SGPL1: variants seen among roughly 807,000 people sequenced by gnomAD.
SGPL1 encodes SP-lyase 1.
Under a neutral mutation model 68.9 loss-of-function variants are expected in SGPL1, and 37 were observed. The observed-to-expected ratio is 0.54, with a 90% confidence interval of 0.41 to 0.71. The LOEUF (loss-of-function observed/expected upper bound fraction) is 0.71, where lower values mean the gene tolerates loss of function less well. SGPL1 is among the 30% of genes least tolerant of loss of function. The pLI, the probability that SGPL1 is intolerant of heterozygous loss-of-function variation, is 0.00. For synonymous variants in SGPL1, 236 were observed against 248.5 expected (o/e 0.95, Z 0.47); for missense variants, 551 against 704.6 (o/e 0.78, Z 2.47).
chr10:70,828,731 A>G (rs931243496), intron 2 of SGPL1, among the ~76,000 whole-genome samples: 5 of 152,230 alleles, frequency 3.3e-5, no homozygotes, highest in African/African-American at 9.6e-5. Flanking sequence ...TTAGATTCTA[A>G]GTGGCTATTG....
chr10:70,835,654 T>C lies in SGPL1; in HGVS notation c.28-8819T>C, dbSNP rs930360085. Among the ~76,000 whole-genome samples the C allele has an allele frequency of 2.0e-5, 3 of 149,516 alleles. No individual in the cohort carries two copies. In the Admixed American group the frequency reaches 2.0e-4, roughly 10 times the overall value. Reference sequence around the variant, plus strand: ...GGGAGGCTGAGGCAGGAGAATGGCTTGAACCCGGGAGGTGGAGTTTGCAGT... The same window carrying C: ...GGGAGGCTGAGGCAGGAGAATGGCTCGAACCCGGGAGGTGGAGTTTGCAGT... On this transcript the variant is annotated intron_variant, in intron 2 of 14. Coordinates refer to ENST00000373202, the MANE Select transcript of SGPL1 (RefSeq NM_003901.4).
chr10:70,844,410 C>T, intron 2 of SGPL1, 63 bp from the exon 3 acceptor site: 2 of 1,475,222 alleles, frequency 1.4e-6, no homozygotes, highest in Non-Finnish European at 1.9e-6. Context: ...GAAGTACAAA[C>T]TAAGAACAGA....
chr10:70,875,386 A>G lies in SGPL1; in HGVS notation c.1299-16A>G, dbSNP rs1452001762. ...GAATTTACTTTTTCTTCCTTCATTT[A>G]TTTTTTTGTTTTAAGACTGGAAAAT... On this transcript the variant is annotated splice_polypyrimidine_tract_variant and intron_variant, in intron 12 of 14. Transcript: ENST00000373202. 2 of 1,566,618 alleles carry G rather than the reference A, an allele frequency of 1.3e-6. No individual in the cohort carries two copies. The highest frequency in any genetic ancestry group is 1.4e-5 in the African/African-American group (1 of 73,918).
intron 2 of SGPL1, among the ~76,000 whole-genome samples, chr10:70,818,777 T>C (rs1054738374): frequency 1.3e-5 from 2 of 152,226 alleles, no homozygotes; most frequent in African/African-American, 4.8e-5. Context: ...GCCCCAAATT[T>C]CATGGATTTT....
intron 2 of SGPL1, among the ~76,000 whole-genome samples, chr10:70,821,668 C>A (rs1156664930): frequency 1.3e-5 from 2 of 152,154 alleles, no homozygotes; most frequent in Non-Finnish European, 2.9e-5. Flanking sequence ...CAGTTTCCTG[C>A]AAACAAGAAT....
At position 70,877,222 on chromosome 10, in the gene SGPL1, A is replaced by G. The variant is rs1385603588; in HGVS notation, c.1594A>G (p.Thr532Ala). The G allele has an allele frequency of 3.7e-6, 6 of 1,614,208 alleles. No homozygotes were observed. The highest frequency in any genetic ancestry group is 3.3e-4 in the Middle Eastern group (2 of 6,062). ...TGCCATCTATGGCATGGCCCAGACA[A>G]CTGTTGACAGGAATATGGTTGCAGA... is the stretch of plus-strand genomic sequence containing the variant. ...MGAIYGMAQT[T>A]VDRNMVAELS... Residue 532 changes from threonine (T) to alanine (A), a missense_variant, in exon 15 of 15, where the codon ACT becomes GCT. Transcript: ENST00000373202.
intron 1 of SGPL1, 86 bp from the exon 2 acceptor site, chr10:70,816,725 A>G (rs1490640131): frequency 2.2e-6 from 2 of 903,784 alleles, no homozygotes; most frequent in South Asian, 1.3e-5. Context: ...GGAGAGAACC[A>G]TAACTTGGCT....
intron 7 of SGPL1, 86 bp downstream of exon 7, chr10:70,859,585 AAAT>A: frequency 1.5e-6 from 1 of 659,364 alleles, no homozygotes; most frequent in Non-Finnish European, 2.0e-6. Context: ...ATATTTTAAA[AAAT>A]AAAAAATATT....
At chr10:70,817,423 AATT>A (rs1487774268) in intron 2 of SGPL1, among the ~76,000 whole-genome samples, 14 of 152,188 alleles carry the variant, frequency 9.2e-5, no homozygotes, top group African/African-American at 1.7e-4. Context: ...TCTTTTTCAA[AATT>A]ATTATTATTT....
intron 3 of SGPL1, among the ~76,000 whole-genome samples, chr10:70,847,039 TGA>T (rs747900582): frequency 1.3e-5 from 2 of 152,212 alleles, no homozygotes; most frequent in Non-Finnish European, 2.9e-5. Context: ...TGCTGGCCTC[TGA>T]GAGGCCAATT....
intron 2 of SGPL1, among the ~76,000 whole-genome samples, chr10:70,837,464 T>G (rs951240078): frequency 1.3e-5 from 2 of 152,198 alleles, no homozygotes; most frequent in African/African-American, 4.8e-5. Context: ...TTTTATTCCC[T>G]CTGTAATCAG....
intron 2 of SGPL1, among the ~76,000 whole-genome samples, chr10:70,839,625 A>G (rs1346200436): frequency 6.6e-6 from 1 of 152,172 alleles, no homozygotes; most frequent in Non-Finnish European, 1.5e-5. Context: ...ATGACCATTC[A>G]TAGTTCATAT....
chr10:70,841,064 T>C (rs1845704921), intron 2 of SGPL1, among the ~76,000 whole-genome samples: 3 of 152,170 alleles, frequency 2.0e-5, no homozygotes, highest in Non-Finnish European at 4.4e-5. Context: ...ACCACAACTT[T>C]CACACTAGAC....
At chr10:70,855,253 A>G (rs1007456511) in intron 5 of SGPL1, among the ~76,000 whole-genome samples, 1 of 152,268 alleles carries the variant, frequency 6.6e-6, no homozygotes, top group Non-Finnish European at 1.5e-5. Flanking sequence ...GATGGTGTCT[A>G]TCTTTATGCA....
intron 2 of SGPL1, among the ~76,000 whole-genome samples, chr10:70,836,412 A>G (rs1484763850): frequency 1.3e-5 from 2 of 152,158 alleles, no homozygotes; most frequent in Admixed American, 6.5e-5. Context: ...GCCTCTTTCT[A>G]TCAGTTTGAC....
chr10:70,827,853 TTGC>T (rs749571868), intron 2 of SGPL1, among the ~76,000 whole-genome samples: 8 of 152,220 alleles, frequency 5.3e-5, no homozygotes, highest in Non-Finnish European at 8.8e-5. Flanking sequence ...TTGCTTAGTT[TTGC>T]TGATTTTGAA....
Position 70,873,425 on chromosome 10 carries a change from C to A in SGPL1, c.1134C>A (p.Val378=). Residue 378 remains valine, a synonymous_variant, in exon 12 of 15, where the codon GTC becomes GTA. Coordinates refer to ENST00000373202, the MANE Select transcript of SGPL1 (RefSeq NM_003901.4). The part of the protein sequence containing the change: ...DKKYRNYQFF[V]DTDWQGGIYA... ...AGTACAGGAACTATCAGTTCTTCGT[C>A]GATACAGATTGGCAGGGTGGCATCT... 1 of 1,614,244 alleles carries A rather than the reference C, an allele frequency of 6.2e-7. No individual in the cohort carries two copies. The highest frequency in any genetic ancestry group is 8.5e-7 in the Non-Finnish European group (1 of 1,180,032).
At chr10:70,861,475 G>A (rs563805854) in intron 7 of SGPL1, among the ~76,000 whole-genome samples, 4 of 152,184 alleles carry the variant, frequency 2.6e-5, no homozygotes, top group African/African-American at 4.8e-5. Context: ...AGGTCACAGC[G>A]TGCTGGCAGT....
intron 3 of SGPL1, among the ~76,000 whole-genome samples, chr10:70,846,772 AAATT>A (rs776080414): frequency 1.1e-4 from 16 of 152,242 alleles, no homozygotes; most frequent in Non-Finnish European, 1.9e-4. Context: ...ACAAATTTTA[AAATT>A]AATTGGCAAA....
Sources: gnomAD v4.1 joint callset for allele counts (sites outside exome capture counted in the v4.1 genomes callset) on GRCh38, gnomAD v4.1.1 for gene constraint, MANE v1.5 for transcripts, NCBI Gene and HGNC (gene_info 2026-07-23, HGNC 2026-07-21) for gene names.